Variants in SSH2 observed in about 807,000 individuals in gnomAD.
SSH2 encodes the protein protein phosphatase Slingshot homolog 2.
A neutral mutation model predicts 135.2 loss-of-function variants in SSH2; 37 were observed. The observed-to-expected ratio is 0.27, with a 90% confidence interval of 0.21 to 0.36. The LOEUF (loss-of-function observed/expected upper bound fraction) is 0.36. SSH2 is among the 10% of genes least tolerant of loss of function. The probability of loss-of-function intolerance (pLI) is 1.00; values close to 1 mark genes in which losing one functional copy is unlikely to be tolerated. For synonymous variants in SSH2, 628 were observed against 646.2 expected (o/e 0.97, Z 0.43); for missense variants, 1,408 against 1,765.3 (o/e 0.80, Z 3.63).
intron 3 of SSH2, chr17:29,775,798 T>A (rs2041685277): frequency 2.0e-5 from 3 of 152,204 alleles, no homozygotes; most frequent in African/African-American, 7.2e-5. Flanking sequence ...TTTCACAACA[T>A]GAGTTGGTTT....
At chr17:29,700,794 C>CTTTTTTTTTTTTTTTTTTTTTTTTT (rs969498411) in intron 4 of SSH2, among the ~76,000 whole-genome samples, 1 of 151,894 alleles carries the variant, frequency 6.6e-6, no homozygotes, top group African/African-American at 2.4e-5. Context: ...AGCTAAACTT[C>CTTTTTTTTTTTTTTTTTTTTTTTTT]TTTTTTTCTT....
intron 3 of SSH2, among the ~76,000 whole-genome samples, chr17:29,770,123 A>G (rs2041545728): frequency 7.5e-6 from 1 of 132,680 alleles, no homozygotes; most frequent in Admixed American, 7.9e-5. Context: ...TTTTTTTAAC[A>G]GAGTCTCACT....
chr17:29,925,530 G>A (rs2067049054), intron 1 of SSH2: 2 of 398,338 alleles, frequency 5.0e-6, no homozygotes, highest in Non-Finnish European at 8.8e-6. Flanking sequence ...AGCCTGGGCA[G>A]CAAGACCCCA....
At chr17:29,910,256 A>G (rs1437271872) in intron 1 of SSH2, among the ~76,000 whole-genome samples, 1 of 152,006 alleles carries the variant, frequency 6.6e-6, no homozygotes, top group Non-Finnish European at 1.5e-5. Flanking sequence ...GCTCACTGTT[A>G]TTCTTACTTT....
rs1322542708 is a variant in SSH2, at chr17:29,636,380, G to A, written c.1850C>T (p.Pro617Leu). ...GHVPEMANKF[P>L]DLTVEDLETD... ...CTCCAAATCTTCCACTGTTAAGTCTGGAAACTTGTTGGCCATTTCTGGGAC... is the reference window on the plus strand; with the variant it reads ...CTCCAAATCTTCCACTGTTAAGTCTAGAAACTTGTTGGCCATTTCTGGGAC... The change falls in exon 15 of 16, where the codon CCA becomes CTA. Residue 617 changes from proline (P) to leucine (L), a missense_variant. By Grantham distance (98) the Pro-to-Leu change is moderately conservative. Coordinates refer to ENST00000540801, the MANE Select transcript of SSH2 (RefSeq NM_001282129.2). The A allele has an allele frequency of 1.9e-6, 3 of 1,614,150 alleles. No individual in the cohort carries two copies. The highest frequency in any genetic ancestry group is 1.1e-5 in the South Asian group (1 of 91,088).
chr17:29,848,896 A>C lies in SSH2; in HGVS notation c.97T>G (p.Leu33Val). 1 of 1,534,980 alleles carries C rather than the reference A, an allele frequency of 6.5e-7. No individual in the cohort carries two copies. The highest frequency in any genetic ancestry group is 8.7e-7 in the Non-Finnish European group (1 of 1,146,270). ...GATTCTTCACATTCACAGCAAAGTA[A>C]TGCTGCTGATTCACTGTCTTCCAAA... ...SHLEDSESAA[L>V]LCCECEESEI... The change falls in exon 2 of 16, where the codon TTA (leucine) becomes GTA (valine). Residue 33 changes from leucine to valine, a missense_variant. Leu to Val is a conservative substitution (Grantham distance 32, BLOSUM62 1). Transcript: ENST00000540801.
chr17:29,677,385 G>A (rs1486963234), intron 7 of SSH2, among the ~76,000 whole-genome samples: 2 of 152,144 alleles, frequency 1.3e-5, no homozygotes, highest in Non-Finnish European at 2.9e-5. Flanking sequence ...ATCATCCTTT[G>A]GGAGAGCATT....
chr17:29,904,637 G>C (rs1169511631), intron 1 of SSH2, among the ~76,000 whole-genome samples: 1 of 152,116 alleles, frequency 6.6e-6, no homozygotes, highest in Non-Finnish European at 1.5e-5. Flanking sequence ...CACAGTATTG[G>C]AAGTTCTGGC....
At chr17:29,853,077 A>G (rs1599093789) in intron 1 of SSH2, among the ~76,000 whole-genome samples, 1 of 147,720 alleles carries the variant, frequency 6.8e-6, no homozygotes, top group African/African-American at 2.5e-5. Context: ...GCCTTAATTC[A>G]CTGCAGAGAT....
At position 29,636,337 on chromosome 17, in the gene SSH2, T is replaced by C. The variant is rs760027683; in HGVS notation, c.1893A>G (p.Ala631=). 7.4e-6 allele frequency: 12 copies of C among 1,614,108 alleles called. No homozygotes were observed. Among genetic ancestry groups the C allele is most frequent in the Middle Eastern group, 1.6e-4 (1 of 6,084 alleles). The change falls in exon 15 of 16, where the codon GCA becomes GCG. Residue 631 remains alanine, a synonymous_variant. Coordinates refer to ENST00000540801, the MANE Select transcript of SSH2 (RefSeq NM_001282129.2). Reference sequence around the variant, plus strand: ...TAGGCAGTAGGTGGACATTCATGTCTGCTTTCAGTGCATCTGTCTCCAAAT... The same window carrying C: ...TAGGCAGTAGGTGGACATTCATGTCCGCTTTCAGTGCATCTGTCTCCAAAT... ...VEDLETDALK[A]DMNVHLLPME... is the part of the protein sequence containing the mutation.
At chr17:29,658,987 A>G (rs1210468276) in intron 11 of SSH2, among the ~76,000 whole-genome samples, 1 of 152,062 alleles carries the variant, frequency 6.6e-6, no homozygotes, top group Non-Finnish European at 1.5e-5. Context: ...GAAAAAATAT[A>G]AGCAAACATA....
intron 1 of SSH2, among the ~76,000 whole-genome samples, chr17:29,860,234 G>C (rs943213439): frequency 6.6e-6 from 1 of 152,108 alleles, no homozygotes; most frequent in Admixed American, 6.5e-5. Flanking sequence ...CAGTGTATAA[G>C]CATTCCATTT....
At chr17:29,751,146 T>TG (rs1307277705) in intron 3 of SSH2, among the ~76,000 whole-genome samples, 1 of 152,224 alleles carries the variant, frequency 6.6e-6, no homozygotes, top group Admixed American at 6.5e-5. Context: ...CCAGGCGCAG[T>TG]GGCTCATGCC....
At chr17:29,792,199 G>C (rs1215256624) in intron 3 of SSH2, among the ~76,000 whole-genome samples, 1 of 151,888 alleles carries the variant, frequency 6.6e-6, no homozygotes, top group Non-Finnish European at 1.5e-5. Flanking sequence ...CACCGCGCCT[G>C]GCCTTTATAG....
chr17:29,761,397 G>C (rs1275769680), intron 3 of SSH2: 1 of 1,064,468 alleles, frequency 9.4e-7, no homozygotes, highest in African/African-American at 1.7e-5. Context: ...GGAGGCAGCC[G>C]CCGAAGCCCC....
intron 3 of SSH2, among the ~76,000 whole-genome samples, chr17:29,767,370 TTTTTTC>T (rs754619157): frequency 3.1e-5 from 3 of 96,776 alleles, no homozygotes; most frequent in Non-Finnish European, 6.0e-5. Context: ...AAACGTTTTC[TTTTTTC>T]TTTTTTTTTT....
intron 1 of SSH2, among the ~76,000 whole-genome samples, chr17:29,860,199 T>G (rs2065737538): frequency 6.6e-6 from 1 of 152,110 alleles, no homozygotes; most frequent in African/African-American, 2.4e-5. Context: ...TCCACAATGG[T>G]TGAACTAATT....
intron 1 of SSH2, among the ~76,000 whole-genome samples, chr17:29,889,802 CA>C (rs534822390): frequency 0.069 from 3,408 of 49,438 alleles, 139 homozygotes; most frequent in African/African-American, 0.2. Context: ...CCATCTCTAC[CA>C]AAAAAAAAAA....
chr17:29,904,534 C>T (rs144490312), intron 1 of SSH2, among the ~76,000 whole-genome samples: 5,281 of 152,186 alleles, frequency 0.035, 133 homozygotes, highest in African/African-American at 0.061. Context: ...GACAAATCCA[C>T]AGCCAATATC....
Sources: gnomAD v4.1 joint callset for allele counts (sites outside exome capture counted in the v4.1 genomes callset) on GRCh38, gnomAD v4.1.1 for gene constraint, MANE v1.5 for transcripts, NCBI Gene and HGNC (gene_info 2026-07-23, HGNC 2026-07-21) for gene names.